The following SLC4A8 variants were observed in gnomAD, a reference collection of about 807,000 sequenced individuals.
SLC4A8 encodes solute carrier family 4 member 8.
A neutral mutation model predicts 125.0 loss-of-function variants in SLC4A8; 40 were observed. That is an observed-to-expected ratio of 0.32 (90% CI 0.25 to 0.42). The LOEUF (loss-of-function observed/expected upper bound fraction) is 0.42. SLC4A8 is among the 10% of genes least tolerant of loss of function. The pLI is 1.00. For missense variants in SLC4A8, 863 were observed against 1,355.1 expected (o/e 0.64, Z 5.70); for synonymous variants, 456 against 476.0 (o/e 0.96, Z 0.55).
intron 22 of SLC4A8, 70 bp downstream of exon 22, chr12:51,497,194 A>T (rs767221518): frequency 6.7e-7 from 1 of 1,483,642 alleles, no homozygotes; most frequent in East Asian, 2.3e-5. Context: ...GTCATGTGAA[A>T]AGTCAGCATG....
chr12:51,444,140 G>A (rs1949692745), intron 2 of SLC4A8, among the ~76,000 whole-genome samples: 1 of 152,094 alleles, frequency 6.6e-6, no homozygotes, highest in Non-Finnish European at 1.5e-5. Context: ...GGTAGAAGAC[G>A]GGGGCAAAGA....
chr12:51,484,017 C>T (rs1951099921), intron 16 of SLC4A8, among the ~76,000 whole-genome samples: 1 of 152,118 alleles, frequency 6.6e-6, no homozygotes, highest in Admixed American at 6.5e-5. Flanking sequence ...TGATAGTTTG[C>T]TCAGAATGAT....
At chr12:51,425,532 G>A (rs1274783331) in intron 1 of SLC4A8, 1 of 627,646 alleles carries the variant, frequency 1.6e-6, no homozygotes, top group Non-Finnish European at 2.0e-6. Flanking sequence ...AGGGTGACCC[G>A]GTTTGTGACT....
chr12:51,471,246 C>T, intron 13 of SLC4A8, 41 bp from the exon 14 acceptor site: 7 of 1,584,946 alleles, frequency 4.4e-6, no homozygotes, highest in South Asian at 1.1e-5. Context: ...CTCTTAATGC[C>T]ATCCATCCAT....
chr12:51,415,094 A>G (rs931840969), intron 1 of SLC4A8, among the ~76,000 whole-genome samples: 35 of 151,972 alleles, frequency 2.3e-4, no homozygotes, highest in Non-Finnish European at 1.0e-4. Context: ...ATTCATCAGG[A>G]ATATTGGCCT....
At position 51,505,756 on chromosome 12, in the gene SLC4A8, TG is replaced by T. The variant is rs931819016; in HGVS notation, c.3174-76del. ...TCAAACCCCATCTTCTCCCTTCTAT[TG>T]GGACAGTGATCATTATAGACTGTGG... is the stretch of plus-strand genomic sequence containing the variant. On this transcript the variant is annotated intron_variant, in intron 23 of 24. Coordinates refer to ENST00000453097, the MANE Select transcript of SLC4A8 (RefSeq NM_001039960.3). The T allele has an allele frequency of 1.6e-5, 10 of 608,482 alleles. No individual in the cohort carries two copies. The African/African-American group carries it at 1.9e-4, about 11-fold the overall frequency. 37.7% of individuals were successfully genotyped at this position (608,482 alleles called of 1,614,324 possible). A position where few individuals can be genotyped will look rare whatever the true frequency, so the allele number is the denominator to read the frequency against.
rs1592291193 is a variant in SLC4A8, at chr12:51,512,402, C to T, written c.*4964C>T. 1 of 152,166 alleles carries T rather than the reference C, an allele frequency of 6.6e-6. No individual in the cohort carries two copies. Among genetic ancestry groups the T allele is most frequent in the East Asian group, 1.9e-4 (1 of 5,202 alleles). 9.4% of individuals were successfully genotyped at this position (152,166 alleles called of 1,614,324 possible). A position where few individuals can be genotyped will look rare whatever the true frequency, so the allele number is the denominator to read the frequency against. On this transcript the variant is annotated 3_prime_UTR_variant, in exon 25 of 25. Transcript: ENST00000453097. ...TAGTTACTTTTGAAGGCCATGCCAACCCTTTTAGGCCATTAAATTTTTCTC... is the reference window on the plus strand; with the variant it reads ...TAGTTACTTTTGAAGGCCATGCCAATCCTTTTAGGCCATTAAATTTTTCTC...
At chr12:51,457,664 AG>A (rs1419692879) in intron 6 of SLC4A8, 125 bp downstream of exon 6, 3 of 863,336 alleles carry the variant, frequency 3.5e-6, no homozygotes, top group African/African-American at 3.4e-5. Context: ...TTAGGCACTT[AG>A]TACTTTTTGG....
chr12:51,409,481 G>A (rs1295344892), intron 1 of SLC4A8, among the ~76,000 whole-genome samples: 4 of 152,102 alleles, frequency 2.6e-5, no homozygotes, highest in East Asian at 3.8e-4. Flanking sequence ...ATTTGCAGTT[G>A]TTTTCAGTTG....
chr12:51,400,767 TATATATATATACATACATACAC>T (rs1183996329), intron 1 of SLC4A8, among the ~76,000 whole-genome samples: 127 of 8,228 alleles, frequency 0.015, 22 homozygotes, highest in East Asian at 0.032. Context: ...TATATATATA[TATATATATATACATACATACAC>T]ACACACACAC....
At chr12:51,440,922 C>T (rs1292781886) in intron 2 of SLC4A8, 133 bp downstream of exon 2, 30 of 950,606 alleles carry the variant, frequency 3.2e-5, no homozygotes, top group Non-Finnish European at 1.3e-5. Flanking sequence ...CCTTTAGCCT[C>T]ACTTTCCTCA....
intron 14 of SLC4A8, among the ~76,000 whole-genome samples, chr12:51,473,895 C>T (rs1310263293): frequency 1.3e-5 from 2 of 151,986 alleles, no homozygotes; most frequent in Admixed American, 6.6e-5. Context: ...AAGAGCATGA[C>T]GAAGGGTATA....
At chr12:51,398,894 C>T (rs543457995) in intron 1 of SLC4A8, among the ~76,000 whole-genome samples, 2 of 152,284 alleles carry the variant, frequency 1.3e-5, no homozygotes, top group East Asian at 1.9e-4. Flanking sequence ...GGATTACAGG[C>T]GTGCGCAACC....
chr12:51,501,914 A>G (rs1937904904), intron 22 of SLC4A8: 1 of 152,092 alleles, frequency 6.6e-6, no homozygotes, highest in Non-Finnish European at 1.5e-5. Flanking sequence ...CATGATGTTG[A>G]CCAGTTTTTA....
At chr12:51,437,274 G>T (rs1201692463) in intron 1 of SLC4A8, among the ~76,000 whole-genome samples, 1 of 152,182 alleles carries the variant, frequency 6.6e-6, no homozygotes, top group Non-Finnish European at 1.5e-5. Context: ...AGTAACTTTG[G>T]AACAGTAAGC....
Position 51,493,086 on chromosome 12 carries a change from G to A in SLC4A8, c.2701-618G>A, listed in dbSNP as rs186554569. Among the ~76,000 whole-genome samples, 26 of 152,056 alleles carry A rather than the reference G, an allele frequency of 1.7e-4. No homozygotes were observed. In the East Asian group the frequency reaches 4.8e-3, roughly 28 times the overall value. ...GACTTTCCTTGCCTTGATTCTATAG[G>A]CCCAATTTCCCTACCTCAGAGTCAA... On this transcript the variant is annotated intron_variant, in intron 19 of 24. Coordinates refer to ENST00000453097, the MANE Select transcript of SLC4A8 (RefSeq NM_001039960.3).
At chr12:51,493,094 T>A (rs192718851) in intron 19 of SLC4A8, among the ~76,000 whole-genome samples, 1 of 152,078 alleles carries the variant, frequency 6.6e-6, no homozygotes, top group Admixed American at 6.6e-5. Context: ...AGGCCCAATT[T>A]CCCTACCTCA....
chr12:51,474,690 A>G, intron 15 of SLC4A8: 1 of 635,464 alleles, frequency 1.6e-6, no homozygotes, highest in South Asian at 2.7e-5. Flanking sequence ...CACTAAGGAT[A>G]GGTGGGGATG....
chr12:51,411,923 G>A (rs1473905885), intron 1 of SLC4A8, among the ~76,000 whole-genome samples: 9 of 151,936 alleles, frequency 5.9e-5, no homozygotes, highest in South Asian at 2.1e-4. Flanking sequence ...TTAGCTGGGC[G>A]TGGTGGCATG....
Sources: gnomAD v4.1 joint callset for allele counts (sites outside exome capture counted in the v4.1 genomes callset) on GRCh38, gnomAD v4.1.1 for gene constraint, MANE v1.5 for transcripts, NCBI Gene and HGNC (gene_info 2026-07-23, HGNC 2026-07-21) for gene names.